Variants in DTX2 observed in about 807,000 individuals in gnomAD.
DTX2 encodes the protein deltex E3 ubiquitin ligase 2.
A neutral mutation model predicts 55.3 loss-of-function variants in DTX2; 29 were observed. The observed-to-expected ratio is 0.52, with a 90% CI of 0.39 to 0.71. The LOEUF (loss-of-function observed/expected upper bound fraction) is 0.71. DTX2 is among the 30% of genes least tolerant of loss of function. DTX2 has a pLI of 0.00. For synonymous variants in DTX2, 276 were observed against 340.4 expected (o/e 0.81, Z 2.08); for missense variants, 537 against 822.5 (o/e 0.65, Z 4.25).
Position 76,465,117 on chromosome 7 carries a change from T to G in DTX2, c.-90+1408T>G, listed in dbSNP as rs550004840. On this transcript the variant is annotated intron_variant, in intron 2 of 10. Coordinates refer to ENST00000430490, the MANE Select transcript of DTX2 (RefSeq NM_001102594.3). ...TCATGCCTGGCTGATTTAGAGGGTGTTTGCTTTCTGCTGGGCACATCCAGG... is the reference window on the plus strand; with the variant it reads ...TCATGCCTGGCTGATTTAGAGGGTGGTTGCTTTCTGCTGGGCACATCCAGG... Among the ~76,000 whole-genome samples the G allele has an allele frequency of 1.5e-4, 22 of 148,612 alleles. 1 individual carries two copies. The highest frequency in any genetic ancestry group is 4.7e-4 in the African/African-American group (18 of 38,396).
rs10257113 is a variant in DTX2, at chr7:76,502,756, C to A, written c.1389+300C>A. 1,128 of 472,748 alleles carry A rather than the reference C, an allele frequency of 2.4e-3. 17 individuals carry two copies. The highest frequency in any genetic ancestry group is 0.02 in the African/African-American group (1,062 of 52,378). The allele number at this position is 472,748 out of a possible 1,614,324, so 29.3% of individuals were successfully genotyped here. ...TTCTCTGAGCCCCAGGGCACCGCCT[C>A]CCCCTCGGCCACTTGTAAGCACCGC... On this transcript the variant is annotated intron_variant, in intron 8 of 10. Coordinates refer to ENST00000430490, the MANE Select transcript of DTX2 (RefSeq NM_001102594.3).
In DTX2 at chr7:76,477,585, C is replaced by T. The variant is rs528251769; in HGVS notation, c.-89-2836C>T. ...ATGATACAATAGCCAGGCATGGTGG[C>T]GCGTGCCTGTAGTCTCAGCTGGGTG... On this transcript the variant is annotated intron_variant, in intron 2 of 10. Coordinates refer to ENST00000430490, the MANE Select transcript of DTX2 (RefSeq NM_001102594.3). 6.6e-5 allele frequency among the ~76,000 whole-genome samples: 10 copies of T among 150,454 alleles called. No homozygotes were observed. The East Asian group carries it at 1.8e-3, about 27-fold the overall frequency.
chr7:76,490,995 C>CCTTTT (rs1810346606), intron 4 of DTX2, among the ~76,000 whole-genome samples: 1 of 63,370 alleles, frequency 1.6e-5, no homozygotes, highest in Non-Finnish European at 2.7e-5. Context: ...TGAGAACCTG[C>CCTTTT]TTTTTTTTTT....
At chr7:76,486,846 G>GGCGGCTGCTGCTGCTGCTGCT (rs1554636852) in intron 4 of DTX2, among the ~76,000 whole-genome samples, 5 of 79,908 alleles carry the variant, frequency 6.3e-5, no homozygotes, top group Middle Eastern at 8.1e-3. Flanking sequence ...TGTTGTGGTG[G>GGCGGCTGCTGCTGCTGCTGCT]GCTGCTGCTG....
intron 4 of DTX2, among the ~76,000 whole-genome samples, chr7:76,491,142 C>T (rs551446793): frequency 2.0e-5 from 3 of 150,808 alleles, no homozygotes; most frequent in Admixed American, 6.6e-5. Context: ...GGATTACAGG[C>T]GCCTGCCACC....
Position 76,482,923 on chromosome 7 carries a change from G to A in DTX2, c.684G>A (p.Gln228=). 1 of 1,613,748 alleles carries A rather than the reference G, an allele frequency of 6.2e-7. No individual in the cohort carries two copies. ...ACCTCCCTGCATACCCCGTCCCCCAGCACCCCCCACACAGGACCGCTTCTG... is the reference window on the plus strand; with the variant it reads ...ACCTCCCTGCATACCCCGTCCCCCAACACCCCCCACACAGGACCGCTTCTG... The part of the protein sequence containing the change: ...MTNLPAYPVP[Q]HPPHRTASVF... The change falls in exon 4 of 11, where the codon CAG becomes CAA. Residue 228 remains glutamine (Q), a synonymous_variant. Coordinates refer to ENST00000430490, the MANE Select transcript of DTX2 (RefSeq NM_001102594.3).
intron 2 of DTX2, among the ~76,000 whole-genome samples, chr7:76,468,115 G>A (rs868372710): frequency 2.0e-5 from 3 of 152,300 alleles, no homozygotes; most frequent in Non-Finnish European, 1.5e-5. Context: ...CTGATTCCCG[G>A]ATGCAGAGAA....
chr7:76,479,815 T>C (rs551465314), intron 2 of DTX2, among the ~76,000 whole-genome samples: 104 of 149,742 alleles, frequency 6.9e-4, no homozygotes, highest in African/African-American at 2.5e-3. Flanking sequence ...CACTAAGCAG[T>C]TGGGTCAGAG....
At chr7:76,468,447 C>CTTTTTT (rs1807434283) in intron 2 of DTX2, among the ~76,000 whole-genome samples, 1 of 77,676 alleles carries the variant, frequency 1.3e-5, no homozygotes. Flanking sequence ...GGCCCACTGC[C>CTTTTTT]ATTTTTTTTT....
chr7:76,502,896 C>T (rs2116621771), intron 8 of DTX2: 1 of 222,128 alleles, frequency 4.5e-6, no homozygotes, highest in East Asian at 1.1e-4. Flanking sequence ...AGGTGGGAGC[C>T]AGGCCTTGAG....
At chr7:76,480,846 G>T in intron 3 of DTX2, 69 bp downstream of exon 3, 3 of 1,478,676 alleles carry the variant, frequency 2.0e-6, no homozygotes, top group Non-Finnish European at 2.7e-6. Flanking sequence ...TCTGCGCCAG[G>T]TGTTGGGGTG....
chr7:76,469,261 A>G (rs984531929), intron 2 of DTX2, among the ~76,000 whole-genome samples: 1 of 147,840 alleles, frequency 6.8e-6, no homozygotes, highest in Admixed American at 6.8e-5. Flanking sequence ...TCCAGCCACC[A>G]TTGCAGTTTA....
chr7:76,505,690 G>A lies in DTX2; in HGVS notation c.*89G>A, dbSNP rs751953292. 1.4e-4 allele frequency: 201 copies of A among 1,387,266 alleles called. No individual in the cohort carries two copies. Among genetic ancestry groups the A allele is most frequent in the Middle Eastern group, 1.8e-4 (1 of 5,626 alleles). The allele number at this position is 1,387,266 out of a possible 1,614,324, so 85.9% of individuals were successfully genotyped here. A position where few individuals can be genotyped will look rare whatever the true frequency, so the allele number is the denominator to read the frequency against. On this transcript the variant is annotated 3_prime_UTR_variant, in exon 11 of 11. Coordinates refer to ENST00000430490, the MANE Select transcript of DTX2 (RefSeq NM_001102594.3). The surrounding 1 kb of genome is among the most constrained non-coding windows in gnomAD (Gnocchi z 4.4). ...CAGGCAGGAAGTGCCCAGCCCGAGA[G>A]GCTGGGAGGTTTGTTGAGGGTGTGG... is the stretch of plus-strand genomic sequence containing the variant.
chr7:76,495,992 G>A (rs1281651657), intron 5 of DTX2, among the ~76,000 whole-genome samples: 2 of 106,196 alleles, frequency 1.9e-5, no homozygotes, highest in Non-Finnish European at 1.9e-5. Context: ...ACCCGCGCCC[G>A]CTTGTCCTTC....
At chr7:76,472,765 A>G (rs1421536508) in intron 2 of DTX2, among the ~76,000 whole-genome samples, 1 of 151,916 alleles carries the variant, frequency 6.6e-6, no homozygotes, top group Non-Finnish European at 1.5e-5. Flanking sequence ...AAAAAGAAAA[A>G]AAAAGGTCTT....
intron 2 of DTX2, chr7:76,478,709 A>G (rs1422135876): frequency 1.1e-4 from 11 of 98,866 alleles, no homozygotes; most frequent in African/African-American, 4.3e-4. Context: ...CACCACACCC[A>G]GTCCCCTTGA....
At chr7:76,463,423 A>AT in intron 1 of DTX2, 122 bp from the exon 2 acceptor site, 1 of 152,412 alleles carries the variant, frequency 6.6e-6, no homozygotes, top group Non-Finnish European at 1.5e-5. Context: ...GGCTATTGGA[A>AT]AATAAATCTG....
At chr7:76,486,951 A>T (rs1261428582) in intron 4 of DTX2, among the ~76,000 whole-genome samples, 1 of 138,884 alleles carries the variant, frequency 7.2e-6, no homozygotes, top group Non-Finnish European at 1.6e-5. Context: ...GGCTTGTGGG[A>T]TTGGAGTCAT....
At position 76,480,737 on chromosome 7, in the gene DTX2, T is replaced by A. The variant is rs977259699; in HGVS notation, c.228T>A (p.Ile76=). The change falls in exon 3 of 11, where the codon ATT becomes ATA. Residue 76 remains isoleucine, a synonymous_variant. Transcript: ENST00000430490. ...CAGACCCCTCGCTGGCCCCTTACAT[T>A]ATTGACCTCCCCAGCTGGACCCAGT... ...GQADPSLAPY[I]IDLPSWTQFR... 6.2e-7 allele frequency: 1 copy of A among 1,612,488 alleles called. No individual in the cohort carries two copies. Among genetic ancestry groups the A allele is most frequent in the Non-Finnish European group, 8.5e-7 (1 of 1,179,110 alleles).
Sources: allele counts gnomAD v4.1 joint callset (sites outside exome capture counted in the v4.1 genomes callset), GRCh38; gene constraint gnomAD v4.1.1; non-coding constraint Gnocchi (gnomAD v3.1); transcripts MANE v1.5; gene names NCBI Gene and HGNC (gene_info 2026-07-23, HGNC 2026-07-21).